SRPK2: variants seen among roughly 807,000 people sequenced by gnomAD.
SRPK2 encodes SFRS protein kinase 2.
SRPK2 carries 21 observed loss-of-function variants against 90.8 expected under a neutral mutation model. The observed-to-expected ratio is 0.23, with a 90% CI of 0.16 to 0.33. The LOEUF (loss-of-function observed/expected upper bound fraction) is 0.33, where lower values mean the gene tolerates loss of function less well. SRPK2 is among the 10% of genes least tolerant of loss of function. SRPK2 has a pLI of 1.00. For synonymous variants in SRPK2, 288 were observed against 311.1 expected (o/e 0.93, Z 0.78); for missense variants, 620 against 869.0 (o/e 0.71, Z 3.60).
intron 2 of SRPK2, among the ~76,000 whole-genome samples, chr7:105,220,459 G>A (rs999405761): frequency 2.0e-5 from 3 of 152,178 alleles, no homozygotes; most frequent in Non-Finnish European, 4.4e-5. Context: ...CTGGGAGGCA[G>A]AGGTTGCAGT....
intron 3 of SRPK2, among the ~76,000 whole-genome samples, chr7:105,191,551 C>G (rs1794283866): frequency 1.3e-5 from 2 of 152,126 alleles, no homozygotes; most frequent in South Asian, 4.1e-4. Flanking sequence ...GAATGAGACA[C>G]TCTATCTCTA....
At chr7:105,272,765 T>C (rs1011130331) in intron 2 of SRPK2, among the ~76,000 whole-genome samples, 4 of 152,274 alleles carry the variant, frequency 2.6e-5, no homozygotes, top group South Asian at 2.1e-4. Flanking sequence ...AGACAGTCTC[T>C]GCATGGCTTG....
At chr7:105,130,669 T>C (rs1801872872) in intron 13 of SRPK2, among the ~76,000 whole-genome samples, 1 of 151,806 alleles carries the variant, frequency 6.6e-6, no homozygotes, top group Non-Finnish European at 1.5e-5. Context: ...GTCCTATTTT[T>C]ACACTACAAC....
At chr7:105,381,329 C>T (rs890488702) in intron 2 of SRPK2, among the ~76,000 whole-genome samples, 19 of 152,204 alleles carry the variant, frequency 1.2e-4, no homozygotes, top group South Asian at 4.2e-4. Context: ...GTAATCCCAA[C>T]GCTTTGTGAG....
chr7:105,165,377 G>A (rs1259763321), intron 6 of SRPK2, among the ~76,000 whole-genome samples: 1 of 152,210 alleles, frequency 6.6e-6, no homozygotes, highest in African/African-American at 2.4e-5. Flanking sequence ...ACTAGTATTA[G>A]TGAGAGGTGA....
At chr7:105,307,330 T>G (rs979809447) in intron 2 of SRPK2, among the ~76,000 whole-genome samples, 4 of 151,748 alleles carry the variant, frequency 2.6e-5, no homozygotes, top group Non-Finnish European at 5.9e-5. Flanking sequence ...TTCTATGACG[T>G]TTTTAAAAGG....
intron 7 of SRPK2, among the ~76,000 whole-genome samples, chr7:105,149,021 T>C (rs1033786153): frequency 6.6e-6 from 1 of 151,882 alleles, no homozygotes; most frequent in African/African-American, 2.4e-5. Context: ...TCTCCCCATG[T>C]GATAGTCTGA....
chr7:105,334,407 A>G (rs1376570718), intron 2 of SRPK2, among the ~76,000 whole-genome samples: 2 of 151,966 alleles, frequency 1.3e-5, no homozygotes, highest in Middle Eastern at 3.4e-3. Context: ...TATTTTTAGT[A>G]GAGTCGGTGT....
At chr7:105,244,916 G>A (rs2129626863) in intron 2 of SRPK2, 5 of 1,485,996 alleles carry the variant, frequency 3.4e-6, no homozygotes, top group Non-Finnish European at 4.7e-6. Context: ...GGAAGCGGGA[G>A]GAGCAAAGCA....
chr7:105,264,904 C>G (rs1438918179), intron 2 of SRPK2, among the ~76,000 whole-genome samples: 2 of 152,164 alleles, frequency 1.3e-5, no homozygotes, highest in Non-Finnish European at 2.9e-5. Flanking sequence ...CCTAGGCAGA[C>G]TGGGAATCAG....
At chr7:105,378,419 G>C (rs1820559660) in intron 2 of SRPK2, among the ~76,000 whole-genome samples, 1 of 152,052 alleles carries the variant, frequency 6.6e-6, no homozygotes, top group African/African-American at 2.4e-5. Flanking sequence ...GGGGGCAAAA[G>C]ACTTAAAAAG....
chr7:105,212,783 C>A (rs1264952406), intron 2 of SRPK2, among the ~76,000 whole-genome samples: 2 of 152,224 alleles, frequency 1.3e-5, no homozygotes, highest in East Asian at 3.8e-4. Context: ...AAAACTGGAA[C>A]TCAGAACTCA....
At chr7:105,175,838 G>T (rs115805263) in intron 3 of SRPK2, among the ~76,000 whole-genome samples, 5 of 151,982 alleles carry the variant, frequency 3.3e-5, no homozygotes, top group South Asian at 2.1e-4. Context: ...GAAAAACCAT[G>T]TATCTATTTT....
rs553594397 is a variant in SRPK2 at position 105,378,753 on chromosome 7, C to A, written c.71+9895G>T. ...AATCCAGTCTGGCAACAGAGAAAGA[C>A]TCCGTCTCAAAAAAAAAAAAAAAAT... On this transcript the variant is annotated intron_variant, in intron 2 of 15. Coordinates refer to ENST00000393651, the MANE Select transcript of SRPK2 (RefSeq NM_182692.3). Among the ~76,000 whole-genome samples, 18 of 143,428 alleles carry A rather than the reference C, an allele frequency of 1.3e-4. No homozygotes were observed. In the East Asian group the frequency reaches 3.6e-3, roughly 28 times the overall value. 94.1% of individuals were successfully genotyped at this position (143,428 alleles called of 152,430 possible).
intron 2 of SRPK2, among the ~76,000 whole-genome samples, chr7:105,300,653 TAAAC>T (rs1263566991): frequency 6.6e-6 from 1 of 151,950 alleles, no homozygotes; most frequent in Non-Finnish European, 1.5e-5. Flanking sequence ...ACAAAGAACT[TAAAC>T]AAATATACAA....
chr7:105,157,194 T>C (rs1044259697), intron 7 of SRPK2, among the ~76,000 whole-genome samples: 3 of 151,772 alleles, frequency 2.0e-5, no homozygotes, highest in South Asian at 4.2e-4. Flanking sequence ...ACATCAAGAG[T>C]AAAAGACATG....
intron 11 of SRPK2, among the ~76,000 whole-genome samples, chr7:105,141,081 C>T (rs1803684176): frequency 6.6e-6 from 1 of 152,186 alleles, no homozygotes; most frequent in African/African-American, 2.4e-5. Flanking sequence ...TCTATGTAAG[C>T]ACCTTCAAAC....
At position 105,361,360 on chromosome 7, in the gene SRPK2, G is replaced by A. The variant is rs530006715; in HGVS notation, c.71+27288C>T. Among the ~76,000 whole-genome samples, 282 of 152,238 alleles carry A rather than the reference G, an allele frequency of 1.9e-3. 1 individual carries two copies. The highest frequency in any genetic ancestry group is 6.5e-3 in the African/African-American group (272 of 41,546). ...AAATGGAAGAACATTCCATGCTCATGGATAGGAAGAATCAATATCGTGAAA... is the reference window on the plus strand; with the variant it reads ...AAATGGAAGAACATTCCATGCTCATAGATAGGAAGAATCAATATCGTGAAA... On this transcript the variant is annotated intron_variant, in intron 2 of 15. Transcript: ENST00000393651.
intron 3 of SRPK2, among the ~76,000 whole-genome samples, chr7:105,179,145 C>CA (rs1792401318): frequency 2.0e-5 from 3 of 152,212 alleles, no homozygotes; most frequent in Admixed American, 1.3e-4. Flanking sequence ...TCAAGGCCAA[C>CA]ACATAATTCT....
Sources: allele counts gnomAD v4.1 joint callset (sites outside exome capture counted in the v4.1 genomes callset), GRCh38; gene constraint gnomAD v4.1.1; transcripts MANE v1.5; gene names NCBI Gene and HGNC (gene_info 2026-07-23, HGNC 2026-07-21).